The following TRPM5 variants were observed in gnomAD, a reference collection of about 807,000 sequenced individuals.
The protein encoded by TRPM5 is MLSN1 and TRP-related.
TRPM5 carries 121 observed loss-of-function variants against 124.9 expected under a neutral mutation model. The ratio of observed to expected loss-of-function variants is 0.97; its 90% CI spans 0.84 to 1.13. The LOEUF (loss-of-function observed/expected upper bound fraction) is 1.13. Among genes scored for constraint, TRPM5 ranks in the 50% most tolerant of loss-of-function variants. The pLI, the probability that TRPM5 is intolerant of heterozygous loss-of-function variation, is 0.00. For missense variants in TRPM5, 1,643 were observed against 1,589.1 expected (o/e 1.03, Z -0.58); for synonymous variants, 781 against 700.5 (o/e 1.11, Z -1.81).
At position 2,420,411 on chromosome 11, in the gene TRPM5, C is replaced by A; in HGVS notation, c.466-6G>T. On this transcript the variant is annotated splice_polypyrimidine_tract_variant and splice_region_variant and intron_variant, in intron 3 of 23. Coordinates refer to ENST00000155858, the Ensembl canonical transcript of TRPM5. ...TAGTGGACAGGAAAATCCTCCTGCGCCCATGCAGGGAGACGAGGCTGAGCC... is the reference window on the plus strand; with the variant it reads ...TAGTGGACAGGAAAATCCTCCTGCGACCATGCAGGGAGACGAGGCTGAGCC... The A allele has an allele frequency of 6.2e-7, 1 of 1,602,084 alleles. No homozygotes were observed.
chr11:2,410,819 C>T (rs982450456), intron 18 of TRPM5: 34 of 382,302 alleles, frequency 8.9e-5, no homozygotes, highest in Admixed American at 6.1e-4. Flanking sequence ...CCTTTAGGAG[C>T]GGCCAAATGG....
At chr11:2,417,380 G>C (rs1231306534) in intron 7 of TRPM5, among the ~76,000 whole-genome samples, 5 of 152,188 alleles carry the variant, frequency 3.3e-5, no homozygotes, top group Non-Finnish European at 7.3e-5. Context: ...ACTTCAACTC[G>C]GGAGGTGGAG....
At chr11:2,420,829 G>C (rs190816599) in intron 3 of TRPM5, among the ~76,000 whole-genome samples, 8 of 152,294 alleles carry the variant, frequency 5.3e-5, no homozygotes, top group African/African-American at 1.7e-4. Flanking sequence ...GGTACAGGAG[G>C]GGGTGAGGGC....
Position 2,422,985 on chromosome 11 carries a change from G to C in TRPM5, c.52C>G (p.Arg18Gly), listed in dbSNP as rs146860618. 1.4e-4 allele frequency: 226 copies of C among 1,612,920 alleles called. 1 individual carries two copies. The highest frequency in any genetic ancestry group is 7.9e-4 in the African/African-American group (59 of 74,892). Residue 18 changes from arginine to glycine, a missense_variant, in exon 1 of 24, where the codon CGG (arginine) becomes GGG (glycine). Transcript: ENST00000155858. ...CCCCTGTGCAAGCCCAGCTCCCGCC[G>C]GTCTTCAGCATCCCCGGGGCTTCCG...
Position 2,417,587 on chromosome 11 carries a change from C to G in TRPM5, c.1009+140G>C, listed in dbSNP as rs183495945. On this transcript the variant is annotated intron_variant, in intron 7 of 23. Transcript: ENST00000155858. ...AAAACTTGCCAAATACAGACAGCTT[C>G]ATGAATCATGTGTCATCTTTCCTGG... is the stretch of plus-strand genomic sequence containing the variant. The G allele has an allele frequency of 4.6e-4, 286 of 625,930 alleles. 1 individual carries two copies. The highest frequency in any genetic ancestry group is 3.7e-3 in the African/African-American group (202 of 54,964). The allele number at this position is 625,930 out of a possible 1,614,324, so 38.8% of individuals were successfully genotyped here. A position where few individuals can be genotyped will look rare whatever the true frequency, so the allele number is the denominator to read the frequency against.
exon 1 of TRPM5, chr11:2,423,013 A>T: frequency 6.2e-7 from 1 of 1,612,334 alleles, no homozygotes; most frequent in Non-Finnish European, 8.5e-7. Flanking sequence ...GGCTTCCGGG[A>T]CGGGGGCCTT....
chr11:2,416,255 C>T (rs1326939952), intron 7 of TRPM5, among the ~76,000 whole-genome samples: 1 of 152,336 alleles, frequency 6.6e-6, no homozygotes, highest in Middle Eastern at 3.4e-3. Flanking sequence ...CCCGTCTGCT[C>T]CCATGTGAGG....
Position 2,408,014 on chromosome 11 carries a change from A to G in TRPM5, c.2783-102T>C. ...AGCGCTGAGTCCTGGTGTTGAACCC[A>G]GGGGACGGGGTGCTGGTTGGGTGAC... On this transcript the variant is annotated intron_variant, in intron 18 of 23. Coordinates refer to ENST00000155858, the Ensembl canonical transcript of TRPM5. 13 of 1,460,460 alleles carry G rather than the reference A, an allele frequency of 8.9e-6. No individual in the cohort carries two copies. In the East Asian group the frequency reaches 2.6e-4, roughly 29 times the overall value. 90.5% of individuals were successfully genotyped at this position (1,460,460 alleles called of 1,614,324 possible).
chr11:2,407,027 G>A (rs1197294352), intron 20 of TRPM5, 92 bp downstream of exon 25: 5 of 1,415,932 alleles, frequency 3.5e-6, no homozygotes, highest in Non-Finnish European at 4.6e-6. Context: ...GAGGGGTCCA[G>A]GTCTCTCCAG....
upstream of TRPM5, among the ~76,000 whole-genome samples, chr11:2,426,028 A>G (rs1263112664): frequency 6.6e-6 from 1 of 152,102 alleles, no homozygotes; most frequent in East Asian, 1.9e-4. Context: ...CTGGGATAGG[A>G]CATCCGGGAG....
intron 13 of TRPM5, 30 bp downstream of exon 18, chr11:2,413,446 C>T (rs1375158097): frequency 5.1e-6 from 8 of 1,580,450 alleles, no homozygotes; most frequent in Non-Finnish European, 6.9e-6. Flanking sequence ...GCTGCCTGTC[C>T]TGGCCGGGCA....
At position 2,421,336 on chromosome 11, in the gene TRPM5, G is replaced by A. The variant is rs1234664478; in HGVS notation, c.299-138C>T. The A allele has an allele frequency of 7.1e-5, 81 of 1,138,786 alleles. 1 individual carries two copies. In the East Asian group the frequency reaches 2.3e-3, roughly 32 times the overall value. The allele number at this position is 1,138,786 out of a possible 1,614,324, so 70.5% of individuals were successfully genotyped here. On this transcript the variant is annotated intron_variant, in intron 2 of 23. Transcript: ENST00000155858. ...TGGGTGCTGGGGAATGCCTCACGGT[G>A]GGGTGGGGAAGCCGAGGCCCAGAGA...
chr11:2,430,761 TTGG>T, the TRPM5 span, among the ~76,000 whole-genome samples: 1 of 75,708 alleles, frequency 1.3e-5, no homozygotes, highest in East Asian at 3.3e-4. Context: ...GGTGGTGGTT[TTGG>T]TGGTGGTGAT....
chr11:2,423,067 G>A (rs1185574546), upstream of TRPM5: 2 of 1,570,220 alleles, frequency 1.3e-6, no homozygotes, highest in Non-Finnish European at 8.7e-7. Flanking sequence ...GGATACCCTG[G>A]CCCTTGAGGG....
chr11:2,429,595 G>A, the TRPM5 span, among the ~76,000 whole-genome samples: 1 of 151,794 alleles, frequency 6.6e-6, no homozygotes, highest in Non-Finnish European at 1.5e-5. The surrounding 1 kb of genome is among the most constrained non-coding windows in gnomAD (Gnocchi z 8.4). Flanking sequence ...TTTTGATAAC[G>A]TGATAATGTT....
upstream of TRPM5, among the ~76,000 whole-genome samples, chr11:2,424,494 A>G (rs562757995): frequency 8.6e-4 from 131 of 152,356 alleles, no homozygotes; most frequent in South Asian, 1.4e-3. Context: ...GTAAGTAAAG[A>G]TGAGGCCATG....
upstream of TRPM5, among the ~76,000 whole-genome samples, chr11:2,425,866 C>A (rs757353565): frequency 6.6e-6 from 1 of 152,190 alleles, no homozygotes; most frequent in Non-Finnish European, 1.5e-5. Flanking sequence ...TTCCCCATGA[C>A]TCTTAGGCCA....
upstream of TRPM5, among the ~76,000 whole-genome samples, chr11:2,426,969 G>T (rs981266144): frequency 6.6e-6 from 1 of 152,200 alleles, no homozygotes; most frequent in Non-Finnish European, 1.5e-5. Flanking sequence ...TTCGCCCTCA[G>T]CTTCTGAGCC....
At chr11:2,429,327 T>C in the TRPM5 span, among the ~76,000 whole-genome samples, 1 of 151,366 alleles carries the variant, frequency 6.6e-6, no homozygotes, top group Non-Finnish European at 1.5e-5. This position sits in a 1 kb window ranked among gnomAD's most constrained non-coding sequence, Gnocchi z 8.4. Context: ...GTGGTGGTGA[T>C]GATGAGGGTG....
Sources: allele counts gnomAD v4.1 joint callset (sites outside exome capture counted in the v4.1 genomes callset), GRCh38; gene constraint gnomAD v4.1.1; non-coding constraint Gnocchi (gnomAD v3.1); transcripts MANE v1.5; gene names NCBI Gene and HGNC (gene_info 2026-07-23, HGNC 2026-07-21).